Variants in MAP3K15 observed in about 807,000 individuals in gnomAD.
MAP3K15 encodes mitogen-activated protein kinase kinase kinase 15.
A neutral mutation model predicts 99.5 loss-of-function variants in MAP3K15; 124 were observed. The ratio of observed to expected loss-of-function variants is 1.25; its 90% CI spans 1.08 to 1.45. The LOEUF (loss-of-function observed/expected upper bound fraction) is 1.45. Among genes scored for constraint, MAP3K15 ranks in the 40% most tolerant of loss-of-function variants. MAP3K15 has a pLI of 0.00. For missense variants in MAP3K15, 1,242 were observed against 1,079.7 expected, an observed-to-expected ratio of 1.15 and a Z score of -2.11; for synonymous variants, 494 against 439.6, an observed-to-expected ratio of 1.12 and a Z score of -1.55.
intron 6 of MAP3K15, among the ~76,000 whole-genome samples, chrX:19,443,760 G>A (rs186125404): frequency 3.3e-3 from 370 of 111,280 alleles, no homozygotes; most frequent in African/African-American, 0.011. Context: ...AGCAAACCGG[G>A]AGGGACGGGC....
chrX:19,409,931 C>T lies in MAP3K15; in HGVS notation c.1741G>A (p.Gly581Arg). 1.7e-6 allele frequency: 2 copies of T among 1,197,032 alleles called. No homozygotes were observed. Among genetic ancestry groups the T allele is most frequent in the Admixed American group, 2.2e-5 (1 of 45,804 alleles). Residue 581 changes from glycine to arginine, a missense_variant, in exon 12 of 29, where the codon GGA becomes AGA. Coordinates refer to ENST00000338883, the MANE Select transcript of MAP3K15 (RefSeq NM_001001671.4). ...EWNFTASSIK[G>R]ISLSKFDERC... ...TTTCTCCTATGTTCTTACCTTATTCCCTTTATGGAAGAGGCTGTAAAATTC... is the reference window on the plus strand; with the variant it reads ...TTTCTCCTATGTTCTTACCTTATTCTCTTTATGGAAGAGGCTGTAAAATTC...
In MAP3K15 at chrX:19,373,509, C is replaced by T. The variant is rs759339271; in HGVS notation, c.2933+27G>A. 3.1e-5 allele frequency: 36 copies of T among 1,161,458 alleles called. 1 individual carries two copies. In the Middle Eastern group the frequency reaches 1.4e-3, roughly 46 times the overall value. On this transcript the variant is annotated intron_variant, in intron 21 of 28. Transcript: ENST00000338883. ...GACTACCAGCACCCTTTCGGGCCCGCGGCAGACAGACAGAATACGGGTGTA... is the reference window on the plus strand; with the variant it reads ...GACTACCAGCACCCTTTCGGGCCCGTGGCAGACAGACAGAATACGGGTGTA...
At chrX:19,451,301 A>G (rs1156921451) in intron 6 of MAP3K15, among the ~76,000 whole-genome samples, 1 of 104,997 alleles carries the variant, frequency 9.5e-6, no homozygotes, top group African/African-American at 3.4e-5. Flanking sequence ...AAAAAGAAGA[A>G]GATCAGATAA....
chrX:19,386,312 C>T (rs1198649143), intron 18 of MAP3K15, among the ~76,000 whole-genome samples: 1 of 110,987 alleles, frequency 9.0e-6, no homozygotes, highest in Non-Finnish European at 1.9e-5. Flanking sequence ...AAAAATTAGC[C>T]GGGCATGGTG....
At chrX:19,416,993 G>A (rs1052207021) in intron 9 of MAP3K15, among the ~76,000 whole-genome samples, 1 of 112,416 alleles carries the variant, frequency 8.9e-6, no homozygotes, top group Admixed American at 9.4e-5. Context: ...CCAATACAGA[G>A]AGAACCCATA....
At chrX:19,400,991 C>T (rs753588040) in intron 13 of MAP3K15, among the ~76,000 whole-genome samples, 3 of 111,342 alleles carry the variant, frequency 2.7e-5, no homozygotes, top group East Asian at 5.6e-4. Flanking sequence ...TTCCCTTTTA[C>T]TGAACCAAAG....
intron 18 of MAP3K15, among the ~76,000 whole-genome samples, chrX:19,380,691 A>G (rs2063453128): frequency 8.9e-6 from 1 of 111,830 alleles, no homozygotes; most frequent in South Asian, 3.7e-4. Context: ...ATGCCCGGCT[A>G]ATTTTTGTAT....
In MAP3K15 at chrX:19,423,517, G is replaced by A. The variant is rs182250436; in HGVS notation, c.1439+2014C>T. Reference sequence around the variant, plus strand: ...GGCAGTGGTGGTCACAACCTCTTTGGTACTAAACGGAATGGTTCAACTGAA... The same window carrying A: ...GGCAGTGGTGGTCACAACCTCTTTGATACTAAACGGAATGGTTCAACTGAA... On this transcript the variant is annotated intron_variant, in intron 9 of 28. Transcript: ENST00000338883. Among the ~76,000 whole-genome samples the A allele has an allele frequency of 3.0e-3, 332 of 111,897 alleles. 1 individual carries two copies. The highest frequency in any genetic ancestry group is 0.01 in the African/African-American group (316 of 30,846).
chrX:19,363,912 C>T lies in MAP3K15; in HGVS notation c.3567-1062G>A, dbSNP rs187891093. ...AAGTGATCCACCTGCCTCGGCCTCC[C>T]AAAGTGCTGGGATTACAGGTGTGAG... On this transcript the variant is annotated intron_variant, in intron 25 of 28. Transcript: ENST00000338883. 7.3e-3 allele frequency among the ~76,000 whole-genome samples: 809 copies of T among 111,030 alleles called. 5 individuals carry two copies. Among genetic ancestry groups the T allele is most frequent in the African/African-American group, 0.024 (741 of 30,475 alleles).
At chrX:19,451,031 A>C (rs1447254825) in intron 6 of MAP3K15, among the ~76,000 whole-genome samples, 1 of 109,170 alleles carries the variant, frequency 9.2e-6, no homozygotes, top group Non-Finnish European at 1.9e-5. Context: ...CACGCCTGTA[A>C]CCCTGGCACT....
intron 28 of MAP3K15, 132 bp from the exon 29 acceptor site, chrX:19,360,965 C>A (rs1005400592): frequency 1.1e-5 from 5 of 473,478 alleles, no homozygotes; most frequent in Non-Finnish European, 1.8e-5. Flanking sequence ...GCTCGTGTCC[C>A]AGCAGTAGTA....
At chrX:19,494,230 G>A (rs2064386254) in intron 1 of MAP3K15, among the ~76,000 whole-genome samples, 1 of 111,325 alleles carries the variant, frequency 9.0e-6, no homozygotes, top group Non-Finnish European at 1.9e-5. Flanking sequence ...GGAGGCTGAG[G>A]CAAGAGGAGC....
intron 3 of MAP3K15, among the ~76,000 whole-genome samples, chrX:19,466,270 T>C (rs1359265538): frequency 8.9e-6 from 1 of 112,092 alleles, no homozygotes; most frequent in African/African-American, 3.2e-5. Flanking sequence ...TTAAACTTTC[T>C]TTCTTCCACC....
At chrX:19,418,969 T>C in intron 9 of MAP3K15, among the ~76,000 whole-genome samples, 1 of 111,464 alleles carries the variant, frequency 9.0e-6, no homozygotes, top group Non-Finnish European at 1.9e-5. Context: ...AATAAAATCC[T>C]TTACAGACAA....
In MAP3K15 at chrX:19,405,009, G is replaced by C. The variant is rs2063637122; in HGVS notation, c.1844+2179C>G. The stretch of plus-strand genomic sequence containing the variant: ...CACAAATGACAAAAGAAATAAATAG[G>C]TAAGTTGTACTTCATCCAAATTAAA... On this transcript the variant is annotated intron_variant, in intron 13 of 28. Transcript: ENST00000338883. Among the ~76,000 whole-genome samples the C allele has an allele frequency of 2.7e-5, 3 of 110,909 alleles. 1 individual carries two copies. The South Asian group carries it at 1.1e-3, about 42-fold the overall frequency.
chrX:19,457,367 T>G (rs2064100866), intron 5 of MAP3K15, among the ~76,000 whole-genome samples: 1 of 111,961 alleles, frequency 8.9e-6, no homozygotes, highest in South Asian at 3.7e-4. Flanking sequence ...ATCTCAGCAC[T>G]TTGAGAGGCG....
intron 18 of MAP3K15, among the ~76,000 whole-genome samples, chrX:19,383,731 A>G: frequency 8.9e-6 from 1 of 112,331 alleles, no homozygotes; most frequent in African/African-American, 3.2e-5. Flanking sequence ...GGCATATGAA[A>G]GGGTGCTCAA....
intron 6 of MAP3K15, among the ~76,000 whole-genome samples, chrX:19,433,874 G>A (rs367966951): frequency 1.5e-4 from 17 of 111,487 alleles, no homozygotes; most frequent in African/African-American, 5.2e-4. Flanking sequence ...ATGAACTGGA[G>A]ATGACTCAGA....
intron 9 of MAP3K15, among the ~76,000 whole-genome samples, chrX:19,423,080 G>C (rs2063799888): frequency 9.1e-6 from 1 of 110,471 alleles, no homozygotes; most frequent in South Asian, 3.9e-4. Context: ...AATGTTAAAT[G>C]ATGAGTTAAT....
Sources: allele counts gnomAD v4.1 joint callset (sites outside exome capture counted in the v4.1 genomes callset), GRCh38; gene constraint gnomAD v4.1.1; transcripts MANE v1.5; gene names NCBI Gene and HGNC (gene_info 2026-07-23, HGNC 2026-07-21).